IQCM: variants seen among roughly 807,000 people sequenced by gnomAD.
The protein encoded by IQCM is IQ motif containing M, also known as IQ domain-containing protein M.
In IQCM, 45 loss-of-function variants were observed where a neutral mutation model predicts 57.6. The observed-to-expected ratio is 0.78, with a 90% CI of 0.62 to 1.00. The LOEUF (loss-of-function observed/expected upper bound fraction) is 1.00, where lower values mean the gene tolerates loss of function less well. Ranked by LOEUF, IQCM falls within the 50% of genes least tolerant of loss-of-function variation. The pLI, the probability that IQCM is intolerant of heterozygous loss-of-function variation, is 0.00. For synonymous variants in IQCM, 148 were observed against 158.9 expected (o/e 0.93, Z 0.51); for missense variants, 468 against 511.6 (o/e 0.91, Z 0.82).
intron 13 of IQCM, among the ~76,000 whole-genome samples, chr4:149,421,058 A>G (rs1734088010): frequency 6.9e-6 from 1 of 144,492 alleles, no homozygotes; most frequent in Non-Finnish European, 1.5e-5. Context: ...AGTAGTGCCA[A>G]AACATTTTAT....
At chr4:149,665,967 C>T (rs1045777976) in intron 7 of IQCM, 1 of 152,122 alleles carries the variant, frequency 6.6e-6, no homozygotes, top group African/African-American at 2.4e-5. Flanking sequence ...CAGTGATTTG[C>T]CAGGGTCTCT....
intron 12 of IQCM, among the ~76,000 whole-genome samples, chr4:149,516,484 C>G (rs1167140355): frequency 6.6e-6 from 1 of 152,176 alleles, no homozygotes; most frequent in Non-Finnish European, 1.5e-5. Context: ...CCTGAAGCAG[C>G]TGGATTGACA....
At chr4:149,777,205 C>G (rs1771172896) in intron 2 of IQCM, among the ~76,000 whole-genome samples, 1 of 152,208 alleles carries the variant, frequency 6.6e-6, no homozygotes, top group Non-Finnish European at 1.5e-5. Flanking sequence ...TGCACCTCAT[C>G]TTTGACCACT....
At chr4:149,758,891 T>C (rs1769238618) in intron 2 of IQCM, among the ~76,000 whole-genome samples, 3 of 152,218 alleles carry the variant, frequency 2.0e-5, no homozygotes, top group African/African-American at 7.2e-5. Flanking sequence ...GGACAATTTG[T>C]CAGTTCCTTA....
intron 12 of IQCM, among the ~76,000 whole-genome samples, chr4:149,448,716 T>C (rs931101230): frequency 6.6e-6 from 1 of 151,780 alleles, no homozygotes; most frequent in Non-Finnish European, 1.5e-5. Flanking sequence ...TTTATACCAA[T>C]AAATTCAACA....
At chr4:149,671,947 A>G (rs1198486930) in intron 7 of IQCM, among the ~76,000 whole-genome samples, 1 of 152,192 alleles carries the variant, frequency 6.6e-6, no homozygotes, top group South Asian at 2.1e-4. Context: ...ATCAGGCAGC[A>G]ACATTTGCCC....
chr4:149,788,621 C>A (rs1356014676), intron 2 of IQCM, among the ~76,000 whole-genome samples: 1 of 152,074 alleles, frequency 6.6e-6, no homozygotes, highest in Non-Finnish European at 1.5e-5. Context: ...AACTATCATA[C>A]AATCCAGAAG....
intron 12 of IQCM, among the ~76,000 whole-genome samples, chr4:149,437,314 C>A (rs1233799811): frequency 6.6e-6 from 1 of 152,068 alleles, no homozygotes; most frequent in African/African-American, 2.4e-5. Context: ...GCATATAGCT[C>A]TTTCCTGGAG....
intron 5 of IQCM, among the ~76,000 whole-genome samples, chr4:149,720,526 G>A (rs900353706): frequency 1.3e-5 from 2 of 152,044 alleles, no homozygotes; most frequent in East Asian, 3.9e-4. Flanking sequence ...GAGCTTACCA[G>A]GTCAGTATAA....
intron 13 of IQCM, among the ~76,000 whole-genome samples, chr4:149,403,872 T>TCA (rs1732792462): frequency 6.6e-6 from 1 of 152,042 alleles, no homozygotes; most frequent in Non-Finnish European, 1.5e-5. Flanking sequence ...ATTTTCAATT[T>TCA]TTCATTTTTT....
chr4:149,811,507 C>T (rs146283521), intron 2 of IQCM, among the ~76,000 whole-genome samples: 198 of 152,226 alleles, frequency 1.3e-3, no homozygotes, highest in African/African-American at 4.6e-3. Flanking sequence ...ACAATATTAA[C>T]GTAAAAGCTT....
chr4:149,590,037 A>G (rs760930019), intron 8 of IQCM, among the ~76,000 whole-genome samples: 70 of 151,876 alleles, frequency 4.6e-4, no homozygotes, highest in Non-Finnish European at 8.2e-4. Flanking sequence ...TCTTGGCCAC[A>G]CTAACTGAAT....
chr4:149,623,452 C>T (rs909069429), intron 7 of IQCM, among the ~76,000 whole-genome samples: 7 of 152,212 alleles, frequency 4.6e-5, no homozygotes, highest in East Asian at 1.9e-4. Flanking sequence ...ATAACTTTTC[C>T]GCTTCAGGAA....
intron 13 of IQCM, among the ~76,000 whole-genome samples, chr4:149,387,591 C>T (rs1388004096): frequency 6.6e-6 from 1 of 151,756 alleles, no homozygotes; most frequent in Non-Finnish European, 1.5e-5. Context: ...TTTGGTTTGC[C>T]CTAAAATATA....
intron 12 of IQCM, among the ~76,000 whole-genome samples, chr4:149,449,883 A>T (rs1439201779): frequency 1.3e-5 from 2 of 151,862 alleles, no homozygotes; most frequent in Admixed American, 6.6e-5. Context: ...GGAATCAAAA[A>T]AGACCGAGAG....
intron 13 of IQCM, among the ~76,000 whole-genome samples, chr4:149,384,844 C>G (rs1731308730): frequency 6.6e-6 from 1 of 151,718 alleles, no homozygotes; most frequent in Non-Finnish European, 1.5e-5. Context: ...TCATGACACA[C>G]TTGATTATTT....
At chr4:149,638,694 A>G (rs531795412) in intron 7 of IQCM, among the ~76,000 whole-genome samples, 4 of 152,328 alleles carry the variant, frequency 2.6e-5, no homozygotes, top group East Asian at 3.9e-4. Context: ...ACTAATTCCA[A>G]TCAGTGAATT....
At chr4:149,421,013 AGT>A (rs1560821023) in intron 13 of IQCM, among the ~76,000 whole-genome samples, 2 of 40,652 alleles carry the variant, frequency 4.9e-5, no homozygotes, top group South Asian at 6.3e-4. Flanking sequence ...ACAAATGTTC[AGT>A]AGTGCCAATA....
intron 7 of IQCM, among the ~76,000 whole-genome samples, chr4:149,623,210 A>G: frequency 6.6e-6 from 1 of 152,334 alleles, no homozygotes; most frequent in Non-Finnish European, 1.5e-5. Flanking sequence ...TCTGATTAAA[A>G]AATGAATTGT....
Sources: gnomAD v4.1 joint callset for allele counts (sites outside exome capture counted in the v4.1 genomes callset) on GRCh38, gnomAD v4.1.1 for gene constraint, MANE v1.5 for transcripts, NCBI Gene and HGNC (gene_info 2026-07-23, HGNC 2026-07-21) for gene names.